The following TIGAR variants were observed in gnomAD, a reference collection of about 807,000 sequenced individuals.
The protein encoded by TIGAR is TP53 induced glycolysis regulatory phosphatase.
Under a neutral mutation model 17.9 loss-of-function variants are expected in TIGAR, and 7 were observed. The observed-to-expected ratio is 0.39, with a 90% CI of 0.22 to 0.73. The LOEUF (loss-of-function observed/expected upper bound fraction) is 0.73, where lower values mean the gene tolerates loss of function less well. Among genes scored for constraint, TIGAR ranks in the 30% least tolerant of loss-of-function variants. The probability of loss-of-function intolerance (pLI) is 0.42; values close to 1 mark genes in which losing one functional copy is unlikely to be tolerated. For missense variants in TIGAR, 258 were observed against 327.4 expected, an observed-to-expected ratio of 0.79 and a Z score of 1.64; for synonymous variants, 94 against 108.6, an observed-to-expected ratio of 0.87 and a Z score of 0.84.
intron 1 of TIGAR, chr12:4,324,536 T>G: frequency 6.2e-7 from 1 of 1,609,590 alleles, no homozygotes; most frequent in Non-Finnish European, 8.5e-7. Flanking sequence ...CCCACCATGC[T>G]GCCCACCATC....
chr12:4,345,425 A>G (rs987609056), intron 3 of TIGAR, among the ~76,000 whole-genome samples: 9 of 152,228 alleles, frequency 5.9e-5, no homozygotes, highest in African/African-American at 2.2e-4. Flanking sequence ...AGACCAATGG[A>G]ACAGAACAGA....
chr12:4,329,367 C>G (rs537852980), intron 1 of TIGAR, among the ~76,000 whole-genome samples: 35 of 101,340 alleles, frequency 3.5e-4, no homozygotes, highest in African/African-American at 1.3e-3. Context: ...GAGACAGGGT[C>G]TTGCTCTCTC....
At position 4,356,950 on chromosome 12, in the gene TIGAR, A is replaced by G. The variant is rs536028388; in HGVS notation, c.*4259A>G. On this transcript the variant is annotated 3_prime_UTR_variant, in exon 6 of 6. Transcript: ENST00000179259. ...TGTCCTTCCCACTCCTCACTCACCT[A>G]CTATTCATTTCCATTTTTGGATGAG... Among the ~76,000 whole-genome samples the G allele has an allele frequency of 7.8e-4, 118 of 152,238 alleles. No homozygotes were observed. The highest frequency in any genetic ancestry group is 3.4e-3 in the Middle Eastern group (1 of 294).
In TIGAR at chr12:4,355,326, C is replaced by A. The variant is rs941441310; in HGVS notation, c.*2635C>A. ...TTGGTTTGTGGTGTGTGCTCTCAGG[C>A]CTCACACCCCCTCATTTGCTAGAGT... On this transcript the variant is annotated 3_prime_UTR_variant, in exon 6 of 6. Transcript: ENST00000179259. Among the ~76,000 whole-genome samples the A allele has an allele frequency of 2.0e-5, 3 of 152,012 alleles. No individual in the cohort carries two copies. The highest frequency in any genetic ancestry group is 7.3e-5 in the African/African-American group (3 of 41,366).
chr12:4,335,092 C>T (rs1485121160), intron 2 of TIGAR, among the ~76,000 whole-genome samples: 2 of 151,968 alleles, frequency 1.3e-5, no homozygotes, highest in Non-Finnish European at 1.5e-5. Flanking sequence ...GGCTGGAGTG[C>T]AGTGGTGTGA....
intron 1 of TIGAR, 58 bp from the exon 2 acceptor site, chr12:4,331,222 C>T: frequency 2.0e-6 from 3 of 1,472,330 alleles, no homozygotes; most frequent in Non-Finnish European, 2.8e-6. Context: ...CATTTTTTTC[C>T]TCCTCTCAAA....
rs576993240 is a variant in TIGAR at position 4,358,379 on chromosome 12, A to T, written c.*5688A>T. 5.5e-4 allele frequency among the ~76,000 whole-genome samples: 84 copies of T among 152,248 alleles called. No individual in the cohort carries two copies. The highest frequency in any genetic ancestry group is 1.5e-3 in the African/African-American group (64 of 41,570). On this transcript the variant is annotated 3_prime_UTR_variant, in exon 6 of 6. Coordinates refer to ENST00000179259, the MANE Select transcript of TIGAR (RefSeq NM_020375.3). The stretch of plus-strand genomic sequence containing the variant: ...AATGTGTATGTGCGTGTGTTTTGGT[A>T]ATCTTTTATCTTGGATTTATCAAAC...
chr12:4,335,497 A>G (rs1864648516), intron 2 of TIGAR: 1 of 152,228 alleles, frequency 6.6e-6, no homozygotes, highest in Admixed American at 6.5e-5. Flanking sequence ...TGCAGCCCTC[A>G]TGAATGGAAT....
In TIGAR at chr12:4,355,545, A is replaced by G. The variant is rs1034231804; in HGVS notation, c.*2854A>G. On this transcript the variant is annotated 3_prime_UTR_variant, in exon 6 of 6. Transcript: ENST00000179259. Reference sequence around the variant, plus strand: ...GGTCAATTTCCAGAAAAATTCTGTTACAAATTTTATTGGAGTCACATGCAT... The same window carrying G: ...GGTCAATTTCCAGAAAAATTCTGTTGCAAATTTTATTGGAGTCACATGCAT... Among the ~76,000 whole-genome samples, 1 of 152,234 alleles carries G rather than the reference A, an allele frequency of 6.6e-6. No homozygotes were observed. Among genetic ancestry groups the G allele is most frequent in the African/African-American group, 2.4e-5 (1 of 41,456 alleles).
At chr12:4,340,108 A>G (rs1038808864) in intron 3 of TIGAR, among the ~76,000 whole-genome samples, 1 of 152,258 alleles carries the variant, frequency 6.6e-6, no homozygotes, top group African/African-American at 2.4e-5. Flanking sequence ...TAAATCGGAA[A>G]GGAAGAAATC....
intron 1 of TIGAR, among the ~76,000 whole-genome samples, chr12:4,330,055 A>G (rs765846730): frequency 1.3e-5 from 2 of 152,110 alleles, no homozygotes; most frequent in Non-Finnish European, 2.9e-5. Flanking sequence ...AAATCCAGCA[A>G]TCTGTATCTT....
chr12:4,327,581 T>G (rs1054844854), intron 1 of TIGAR, among the ~76,000 whole-genome samples: 1 of 152,210 alleles, frequency 6.6e-6, no homozygotes, highest in Non-Finnish European at 1.5e-5. Context: ...TACAGGAATA[T>G]ACTCTCAAAT....
At position 4,352,270 on chromosome 12, in the gene TIGAR, G is replaced by T. The variant is rs1167833273; in HGVS notation, c.392G>T (p.Arg131Leu). 1 of 1,608,342 alleles carries T rather than the reference G, an allele frequency of 6.2e-7. No homozygotes were observed. The highest frequency in any genetic ancestry group is 1.3e-5 in the African/African-American group (1 of 74,544). Reference sequence around the variant, plus strand: ...TTTCTTTTCTTGTAGGTGAAAATGCGTGGAATAGACTTTTTTGAATTTCTT... The same window carrying T: ...TTTCTTTTCTTGTAGGTGAAAATGCTTGGAATAGACTTTTTTGAATTTCTT... ...GGETLDQVKM[R>L]GIDFFEFLCQ... Residue 131 changes from arginine to leucine, a missense_variant, in exon 6 of 6, where the codon CGT becomes CTT. Coordinates refer to ENST00000179259, the MANE Select transcript of TIGAR (RefSeq NM_020375.3).
At position 4,353,854 on chromosome 12, in the gene TIGAR, C is replaced by G. The variant is rs7297048; in HGVS notation, c.*1163C>G. ...GAGGGTGCTCTGCGGGCAGGGAAGG[C>G]GGGGTGGTTGGGGGGGAGAGAATGT... On this transcript the variant is annotated 3_prime_UTR_variant, in exon 6 of 6. Transcript: ENST00000179259. 59,170 of 145,134 alleles carry G rather than the reference C, an allele frequency of 0.41. 12,553 individuals are homozygous for G. Among genetic ancestry groups the G allele is most frequent in the East Asian group, 0.64 (2,966 of 4,668 alleles). 9.0% of individuals were successfully genotyped at this position (145,134 alleles called of 1,614,324 possible). A position where few individuals can be genotyped will look rare whatever the true frequency, so the allele number is the denominator to read the frequency against.
intron 2 of TIGAR, among the ~76,000 whole-genome samples, chr12:4,333,322 C>G (rs982780317): frequency 6.7e-6 from 1 of 148,180 alleles, no homozygotes; most frequent in African/African-American, 2.5e-5. Context: ...CAGAGTCTTG[C>G]TCTGTCACCC....
At chr12:4,330,208 T>G (rs1462760748) in intron 1 of TIGAR, among the ~76,000 whole-genome samples, 1 of 152,172 alleles carries the variant, frequency 6.6e-6, no homozygotes, top group Admixed American at 6.5e-5. Flanking sequence ...ATTTTAATTA[T>G]TATAAACTAG....
At chr12:4,334,768 TTCTC>T (rs1864640811) in intron 2 of TIGAR, among the ~76,000 whole-genome samples, 1 of 152,234 alleles carries the variant, frequency 6.6e-6, no homozygotes, top group Non-Finnish European at 1.5e-5. Context: ...TAACTGATGA[TTCTC>T]TCAGCACTTG....
At chr12:4,347,629 T>C (rs2120686883) in intron 3 of TIGAR, among the ~76,000 whole-genome samples, 1 of 152,194 alleles carries the variant, frequency 6.6e-6, no homozygotes, top group East Asian at 1.9e-4. Context: ...TGTCATGCAT[T>C]GCATGGCTGT....
At chr12:4,341,029 A>G (rs1864713991) in intron 3 of TIGAR, among the ~76,000 whole-genome samples, 1 of 152,216 alleles carries the variant, frequency 6.6e-6, no homozygotes, top group Non-Finnish European at 1.5e-5. Context: ...CAAAGCAAAA[A>G]TGGACAAATG....
Sources: allele counts gnomAD v4.1 joint callset (sites outside exome capture counted in the v4.1 genomes callset), GRCh38; gene constraint gnomAD v4.1.1; transcripts MANE v1.5; gene names NCBI Gene and HGNC (gene_info 2026-07-23, HGNC 2026-07-21).